Variants in LITAF observed in about 807,000 individuals in gnomAD.
LITAF encodes the protein lipopolysaccharide-induced tumor necrosis factor-alpha factor.
LITAF carries 9 observed loss-of-function variants against 14.5 expected under a neutral mutation model. That is an observed-to-expected ratio of 0.62 (90% CI 0.37 to 1.08). The LOEUF (loss-of-function observed/expected upper bound fraction) is 1.08, where lower values mean the gene tolerates loss of function less well. Ranked by LOEUF, LITAF falls within the 50% of genes least tolerant of loss-of-function variation. The probability of loss-of-function intolerance (pLI) is 0.01; values close to 1 mark genes in which losing one functional copy is unlikely to be tolerated. For missense variants in LITAF, 206 were observed against 213.4 expected (o/e 0.97, Z 0.22); for synonymous variants, 98 against 88.2 (o/e 1.11, Z -0.62).
chr16:11,639,470 GATGGATGGATGA>G (rs2065155774), upstream of LITAF, among the ~76,000 whole-genome samples: 1 of 151,970 alleles, frequency 6.6e-6, no homozygotes, highest in Non-Finnish European at 1.5e-5. Context: ...TGGGTGGATG[GATGGATGGATGA>G]ATGGATGGAT....
chr16:11,586,639 G>C lies in LITAF; in HGVS notation c.-6+247C>G, dbSNP rs913067811. Reference sequence around the variant, plus strand: ...GCCACGCGCGATCGGGCCACTCTGGGACGCAGGAGCTGAACCCAACCGGAG... The same window carrying C: ...GCCACGCGCGATCGGGCCACTCTGGCACGCAGGAGCTGAACCCAACCGGAG... On this transcript the variant is annotated intron_variant, in intron 1 of 3. Transcript: ENST00000622633. The surrounding 1 kb of genome is among the most constrained non-coding windows in gnomAD (Gnocchi z 6.5). Among the ~76,000 whole-genome samples, 1 of 151,788 alleles carries C rather than the reference G, an allele frequency of 6.6e-6. No homozygotes were observed. The highest frequency in any genetic ancestry group is 2.4e-5 in the African/African-American group (1 of 41,378).
At chr16:11,620,213 C>T (rs1047780245) in intron 3 of LITAF, among the ~76,000 whole-genome samples, 1 of 151,888 alleles carries the variant, frequency 6.6e-6, no homozygotes, top group Non-Finnish European at 1.5e-5. Context: ...AAGTAATCCT[C>T]CACAATGTTG....
chr16:11,600,060 A>G (rs1412705307), upstream of LITAF, among the ~76,000 whole-genome samples: 1 of 152,098 alleles, frequency 6.6e-6, no homozygotes, highest in East Asian at 1.9e-4. The surrounding 1 kb of genome is among the most constrained non-coding windows in gnomAD (Gnocchi z 4.1). Context: ...CAGTGGCGTG[A>G]TCATATAGTT....
At chr16:11,617,076 C>G (rs957408175) in intron 3 of LITAF, among the ~76,000 whole-genome samples, 1 of 151,808 alleles carries the variant, frequency 6.6e-6, no homozygotes, top group African/African-American at 2.4e-5. Flanking sequence ...AAAAATTTGC[C>G]AGGCGTGGTG....
At chr16:11,584,236 C>T (rs944158993) in intron 1 of LITAF, 8 of 152,154 alleles carry the variant, frequency 5.3e-5, no homozygotes, top group African/African-American at 9.7e-5. Context: ...GCTGTAAAAG[C>T]GAAAACAAAT....
At chr16:11,578,431 T>C (rs1416919882) in intron 1 of LITAF, among the ~76,000 whole-genome samples, 1 of 152,094 alleles carries the variant, frequency 6.6e-6, no homozygotes, top group Non-Finnish European at 1.5e-5. Flanking sequence ...CTCAGGAGGC[T>C]GAGGCAGGAG....
upstream of LITAF, among the ~76,000 whole-genome samples, chr16:11,599,229 C>A (rs530337442): frequency 2.6e-5 from 4 of 152,176 alleles, no homozygotes; most frequent in African/African-American, 9.6e-5. Flanking sequence ...AGCGATTCTC[C>A]TGCCTCAGCC....
intron 1 of LITAF, among the ~76,000 whole-genome samples, chr16:11,570,280 G>C (rs1217701863): frequency 2.0e-5 from 3 of 152,128 alleles, no homozygotes; most frequent in African/African-American, 7.2e-5. Flanking sequence ...GGGTAAGCAG[G>C]TTACTATTAT....
intron 1 of LITAF, among the ~76,000 whole-genome samples, chr16:11,567,146 G>T (rs560757323): frequency 1.3e-5 from 2 of 151,856 alleles, no homozygotes; most frequent in Non-Finnish European, 2.9e-5. Context: ...CAGGCTGGGC[G>T]CAGTGGCTCA....
At chr16:11,563,430 G>A (rs549030018) in intron 1 of LITAF, among the ~76,000 whole-genome samples, 9 of 152,180 alleles carry the variant, frequency 5.9e-5, no homozygotes, top group Non-Finnish European at 1.2e-4. Context: ...GATTACAGGC[G>A]TGAGTCACCA....
At chr16:11,569,884 A>G (rs1320369689) in intron 1 of LITAF, among the ~76,000 whole-genome samples, 1 of 152,142 alleles carries the variant, frequency 6.6e-6, no homozygotes, top group East Asian at 1.9e-4. Context: ...AAATATAAAA[A>G]TTAGCCAGGT....
upstream of LITAF, among the ~76,000 whole-genome samples, chr16:11,591,570 G>C (rs955596715): frequency 7.9e-6 from 1 of 125,790 alleles, no homozygotes; most frequent in African/African-American, 3.6e-5. Context: ...ATAAATCAAT[G>C]AAATAAAATT....
intron 3 of LITAF, among the ~76,000 whole-genome samples, chr16:11,631,212 C>T (rs984996890): frequency 6.6e-6 from 1 of 152,158 alleles, no homozygotes; most frequent in Non-Finnish European, 1.5e-5. Context: ...ATTATCACAT[C>T]ACCACAAACT....
At chr16:11,602,332 G>C (rs1016774596), upstream of LITAF, among the ~76,000 whole-genome samples, 1 of 152,246 alleles carries the variant, frequency 6.6e-6, no homozygotes, top group East Asian at 1.9e-4. Context: ...CTCCAGCCTG[G>C]GTGATAGAAT....
In LITAF at chr16:11,554,262, C is replaced by T. The variant is rs574052118; in HGVS notation, c.221-573G>A. Among the ~76,000 whole-genome samples the T allele has an allele frequency of 4.7e-4, 72 of 152,072 alleles. 1 individual carries two copies. Among genetic ancestry groups the T allele is most frequent in the East Asian group, 3.9e-4 (2 of 5,166 alleles). ...CAAATAAATAAATTTTAACCAGCCTCACACTGTGCCTAGCAGCTCTTGATA... is the reference window on the plus strand; with the variant it reads ...CAAATAAATAAATTTTAACCAGCCTTACACTGTGCCTAGCAGCTCTTGATA... On this transcript the variant is annotated intron_variant, in intron 2 of 3. Coordinates refer to ENST00000622633, the MANE Select transcript of LITAF (RefSeq NM_001136472.2).
chr16:11,619,214 G>A (rs1360356760), intron 3 of LITAF, among the ~76,000 whole-genome samples: 1 of 151,996 alleles, frequency 6.6e-6, no homozygotes, highest in East Asian at 1.9e-4. Flanking sequence ...GGGATGCTGA[G>A]GGAGGAGAGT....
chr16:11,556,812 T>C, intron 1 of LITAF, 77 bp from the exon 2 acceptor site: 13 of 1,267,600 alleles, frequency 1.0e-5, no homozygotes, highest in Non-Finnish European at 1.5e-5. Context: ...GTCTTCAATT[T>C]TCTTTCTGGC....
intron 3 of LITAF, among the ~76,000 whole-genome samples, chr16:11,610,863 G>A (rs1299804914): frequency 1.3e-5 from 2 of 152,228 alleles, no homozygotes; most frequent in East Asian, 3.9e-4. Flanking sequence ...TGGGGCTGGG[G>A]AAATGTGAAT....
Position 11,553,806 on chromosome 16 carries a change from T to C in LITAF, c.221-117A>G, listed in dbSNP as rs2064222961. On this transcript the variant is annotated intron_variant, in intron 2 of 3. Coordinates refer to ENST00000622633, the MANE Select transcript of LITAF (RefSeq NM_001136472.2). The surrounding 1 kb of genome is among the most constrained non-coding windows in gnomAD (Gnocchi z 7.7). The stretch of plus-strand genomic sequence containing the variant: ...AGCAAATATTATATTTGTACATTTG[T>C]GTTCATAGCATGCGTTCATCGTCTG... 3.3e-6 allele frequency: 4 copies of C among 1,205,862 alleles called. No individual in the cohort carries two copies. Among genetic ancestry groups the C allele is most frequent in the Middle Eastern group, 3.8e-4 (2 of 5,296 alleles). 74.7% of individuals were successfully genotyped at this position (1,205,862 alleles called of 1,614,324 possible).
Sources: allele counts gnomAD v4.1 joint callset (sites outside exome capture counted in the v4.1 genomes callset), GRCh38; gene constraint gnomAD v4.1.1; non-coding constraint Gnocchi (gnomAD v3.1); transcripts MANE v1.5; gene names NCBI Gene and HGNC (gene_info 2026-07-23, HGNC 2026-07-21).